The following PLIN4 variants were observed in gnomAD, a reference collection of about 807,000 sequenced individuals.
The protein encoded by PLIN4 is perilipin-4.
A neutral mutation model predicts 52.4 loss-of-function variants in PLIN4; 57 were observed. The observed-to-expected ratio is 1.09, with a 90% CI of 0.88 to 1.36. The LOEUF (loss-of-function observed/expected upper bound fraction) is 1.36. Ranked by LOEUF, PLIN4 falls within the 40% of genes most tolerant of loss-of-function variation. PLIN4 has a pLI of 0.00. For synonymous variants in PLIN4, 826 were observed against 785.4 expected, an observed-to-expected ratio of 1.05 and a Z score of -0.86; for missense variants, 1,757 against 1,770.3, an observed-to-expected ratio of 0.99 and a Z score of 0.13.
At chr19:4,509,272 C>T (rs1430804503) in intron 5 of PLIN4, among the ~76,000 whole-genome samples, 1 of 95,894 alleles carries the variant, frequency 1.0e-5, no homozygotes, top group East Asian at 3.1e-4. Context: ...GATGGAGCCA[C>T]TGCACTCCAG....
chr19:4,511,031 C>T lies in PLIN4; in HGVS notation c.2929G>A (p.Gly977Arg). 2 of 1,613,440 alleles carry T rather than the reference C, an allele frequency of 1.2e-6. No individual in the cohort carries two copies. The highest frequency in any genetic ancestry group is 1.7e-6 in the Non-Finnish European group (2 of 1,179,870). Residue 977 changes from glycine (G) to arginine (R), a missense_variant, in exon 5 of 8, where the codon GGA (glycine) becomes AGA (arginine). By Grantham distance (125) the Gly-to-Arg change is moderately radical. This residue lies in a region of PLIN4 where 712 missense variants were observed against 637.1 expected (regional missense o/e 1.12). Transcript: ENST00000301286. ...GVTGAVNVAK[G>R]TVQTGVDASK... Reference sequence around the variant, plus strand: ...GCGTCCACGCCGGTCTGCACGGTTCCTTTGGCCACATTCACTGCCCCCGTG... The same window carrying T: ...GCGTCCACGCCGGTCTGCACGGTTCTTTTGGCCACATTCACTGCCCCCGTG...
At position 4,516,671 on chromosome 19, in the gene PLIN4, G is replaced by A; in HGVS notation, c.204C>T (p.Ala68=). 1.3e-6 allele frequency: 2 copies of A among 1,596,108 alleles called. No homozygotes were observed. Among genetic ancestry groups the A allele is most frequent in the Non-Finnish European group, 1.7e-6 (2 of 1,171,988 alleles). Residue 68 remains alanine (A), a synonymous_variant, in exon 4 of 8, where the codon GCC becomes GCT. Transcript: ENST00000301286. ...EAAQPQAQVA[A]HPEQTAPWTE... is the part of the protein sequence containing the mutation. ...TCCATGGGGCCGTCTGCTCTGGGTG[G>A]GCAGCCACTGTGGGGACAGGGGCCG...
intron 3 of PLIN4, 148 bp downstream of exon 3, chr19:4,517,406 C>T: frequency 8.9e-7 from 1 of 1,120,598 alleles, no homozygotes; most frequent in East Asian, 2.8e-5. Flanking sequence ...GTTTCCCCAT[C>T]CACCACAAGA....
At chr19:4,506,800 CCCATTCCTTCATT>C (rs1976108459) in intron 6 of PLIN4, among the ~76,000 whole-genome samples, 1 of 152,268 alleles carries the variant, frequency 6.6e-6, no homozygotes, top group African/African-American at 2.4e-5. Flanking sequence ...CGAGGGTGGG[CCCATTCCTTCATT>C]CCTCCATGGC....
chr19:4,517,675 G>A lies in PLIN4; in HGVS notation c.75C>T (p.Ser25=), dbSNP rs2145309220. 3 of 1,599,396 alleles carry A rather than the reference G, an allele frequency of 1.9e-6. No homozygotes were observed. The highest frequency in any genetic ancestry group is 2.6e-6 in the Non-Finnish European group (3 of 1,173,698). The change falls in exon 3 of 8, where the codon TCC becomes TCT. Residue 25 remains serine, a synonymous_variant. Coordinates refer to ENST00000301286, the MANE Select transcript of PLIN4 (RefSeq NM_001367868.2). ...TCCGGGCAGAGCTGAAGCCAGGCAG[G>A]GACCCAAAGAAGCTGCCCAGGGTCT... The part of the protein sequence containing the change: ...KGKTLGSFFG[S]LPGFSSARNL...
At position 4,512,392 on chromosome 19, in the gene PLIN4, G is replaced by A; in HGVS notation, c.1568C>T (p.Thr523Ile). 1 of 1,609,084 alleles carries A rather than the reference G, an allele frequency of 6.2e-7. No homozygotes were observed. Among genetic ancestry groups the A allele is most frequent in the South Asian group, 1.1e-5 (1 of 90,774 alleles). The change falls in exon 5 of 8, where the codon ACC (threonine) becomes ATC (isoleucine). Residue 523 changes from threonine (T) to isoleucine (I), a missense_variant. Transcript: ENST00000301286. ...GGTGCCGGTTAGGACAGTCTTGGTG[G>A]TGTCTACGCCGGTCTGGACGGTCCC... The part of the protein sequence containing the change: ...AKGTVQTGVD[T>I]TKTVLTGTKD...
chr19:4,504,661 G>T lies in PLIN4; in HGVS notation c.3914C>A (p.Ala1305Glu). Residue 1305 changes from alanine to glutamate, a missense_variant, in exon 8 of 8, where the codon GCG (alanine) becomes GAG (glutamate). Physicochemically the swap from Ala to Glu is moderately radical, Grantham distance 107. Around this residue, in one of 7 missense-constraint regions of PLIN4, gnomAD observed 712 missense variants for 637.1 expected, o/e 1.12. Coordinates refer to ENST00000301286, the MANE Select transcript of PLIN4 (RefSeq NM_001367868.2). ...ATAGAGCTCACAGAGGCTGTGCCGC[G>T]CCCGCCCCACTGGCTGCTGGAGCTC... ...PAELQQPVGRARHSLCELYGI... is the reference protein window; with the variant it reads ...PAELQQPVGRERHSLCELYGI... 1 of 1,602,740 alleles carries T rather than the reference G, an allele frequency of 6.2e-7. No homozygotes were observed.
chr19:4,509,076 G>A (rs529732336), intron 5 of PLIN4, 121 bp from the exon 6 acceptor site: 14 of 877,888 alleles, frequency 1.6e-5, no homozygotes, highest in South Asian at 1.3e-4. Context: ...CTGGGAGGCC[G>A]AGGCGGGCAG....
chr19:4,514,371 C>T (rs1490403441), intron 4 of PLIN4, among the ~76,000 whole-genome samples: 1 of 152,042 alleles, frequency 6.6e-6, no homozygotes, highest in Non-Finnish European at 1.5e-5. Context: ...TTGCTTGAGC[C>T]CAGGAGGTTG....
Position 4,513,417 on chromosome 19 carries a change from A to G in PLIN4, c.543T>C (p.Asn181=), listed in dbSNP as rs1156785993. Residue 181 remains asparagine (N), a synonymous_variant, in exon 5 of 8, where the codon AAT becomes AAC. Coordinates refer to ENST00000301286, the MANE Select transcript of PLIN4 (RefSeq NM_001367868.2). The part of the protein sequence containing the change: ...TVSTGLTGAV[N]VAKGTVQAGV... ...CGGCCTGTACGGTCCCTTTGGCCAC[A>G]TTCACTGCCCCCGTGAGCCCAGTGG... 4 of 1,613,414 alleles carry G rather than the reference A, an allele frequency of 2.5e-6. No individual in the cohort carries two copies. The Admixed American group carries it at 5.0e-5, about 20-fold the overall frequency.
At position 4,504,468 on chromosome 19, in the gene PLIN4, G is replaced by A. The variant is rs182777366; in HGVS notation, c.4107C>T (p.Gly1369=). 1.6e-3 allele frequency: 2,540 copies of A among 1,574,418 alleles called. 5 individuals are homozygous for A. The highest frequency in any genetic ancestry group is 2.0e-3 in the Non-Finnish European group (2,280 of 1,157,732). ...CTGCAGGCTCCTACAGCTACTGCCC[G>A]CCAGCGGGCAAGGCGAAGGGCCCTA... ...WLVGPFALPA[G]GQ Residue 1369 remains glycine, a synonymous_variant, in exon 8 of 8, where the codon GGC becomes GGT. Transcript: ENST00000301286.
Position 4,511,039 on chromosome 19 carries a change from A to G in PLIN4, c.2921T>C (p.Val974Ala). 4 of 1,613,436 alleles carry G rather than the reference A, an allele frequency of 2.5e-6. No homozygotes were observed. Among genetic ancestry groups the G allele is most frequent in the South Asian group, 2.2e-5 (2 of 91,082 alleles). The change falls in exon 5 of 8, where the codon GTG becomes GCG. Residue 974 changes from valine to alanine, a missense_variant. Physicochemically the swap from Val to Ala is moderately conservative, Grantham distance 64. Transcript: ENST00000301286. ...VTTGVTGAVN[V>A]AKGTVQTGVD... ...GCCGGTCTGCACGGTTCCTTTGGCC[A>G]CATTCACTGCCCCCGTGACTCCAGT...
Position 4,513,641 on chromosome 19 carries a change from A to C in PLIN4, c.319T>G (p.Ser107Ala), listed in dbSNP as rs201252252. 3.7e-6 allele frequency: 6 copies of C among 1,608,380 alleles called. No homozygotes were observed. The highest frequency in any genetic ancestry group is 5.1e-6 in the Non-Finnish European group (6 of 1,177,524). ...TCCACCACGCTGGCCACCCCGGAGGACACGGCATCCTTGGCCCTGGACATC... is the reference window on the plus strand; with the variant it reads ...TCCACCACGCTGGCCACCCCGGAGGCCACGGCATCCTTGGCCCTGGACATC... ...SKMSRAKDAV[S>A]SGVASVVDVA... Residue 107 changes from serine (S) to alanine (A), a missense_variant, in exon 5 of 8, where the codon TCC (serine) becomes GCC (alanine). Coordinates refer to ENST00000301286, the MANE Select transcript of PLIN4 (RefSeq NM_001367868.2).
chr19:4,510,297 C>T lies in PLIN4; in HGVS notation c.3514+149G>A, dbSNP rs553613914. Reference sequence around the variant, plus strand: ...AGGAGGATGGCGTGAACCCGGGAGGCGGAGCTTGCAGTGAACCGAGATCAC... The same window carrying T: ...AGGAGGATGGCGTGAACCCGGGAGGTGGAGCTTGCAGTGAACCGAGATCAC... On this transcript the variant is annotated intron_variant, in intron 5 of 7. Coordinates refer to ENST00000301286, the MANE Select transcript of PLIN4 (RefSeq NM_001367868.2). 3.8e-5 allele frequency: 35 copies of T among 926,386 alleles called. No homozygotes were observed. In the South Asian group the frequency reaches 6.7e-4, roughly 18 times the overall value. The allele number at this position is 926,386 out of a possible 1,614,324, so 57.4% of individuals were successfully genotyped here. A position where few individuals can be genotyped will look rare whatever the true frequency, so the allele number is the denominator to read the frequency against.
Position 4,511,901 on chromosome 19 carries a change from C to T in PLIN4, c.2059G>A (p.Asp687Asn), listed in dbSNP as rs199927982. 2,741 of 1,606,758 alleles carry T rather than the reference C, an allele frequency of 1.7e-3. 4 individuals carry two copies. In the African/African-American group the frequency reaches 0.033, roughly 19 times the overall value. ...VAKGAAQTGV[D>N]TAKTVLTGTK... ...CCGGTCAGCACGGTCTTGGCCGTGT[C>T]TACACCTGTCTGGGCAGCCCCTTTG... Residue 687 changes from aspartate (D) to asparagine (N), a missense_variant, in exon 5 of 8, where the codon GAC becomes AAC. Around this residue, in one of 7 missense-constraint regions of PLIN4, gnomAD observed 439 missense variants for 406.4 expected, o/e 1.08. Coordinates refer to ENST00000301286, the MANE Select transcript of PLIN4 (RefSeq NM_001367868.2).
At chr19:4,514,859 G>C (rs1976544122) in intron 4 of PLIN4, among the ~76,000 whole-genome samples, 1 of 150,996 alleles carries the variant, frequency 6.6e-6, no homozygotes, top group Admixed American at 6.6e-5. Flanking sequence ...AGCAGCCTGG[G>C]CAACGGTGAG....
intron 4 of PLIN4, among the ~76,000 whole-genome samples, chr19:4,516,042 A>T (rs977145345): frequency 1.3e-5 from 2 of 152,060 alleles, no homozygotes; most frequent in Non-Finnish European, 2.9e-5. Flanking sequence ...TGGGAGGCTG[A>T]GGTGGGTGGA....
At chr19:4,513,764 C>T (rs1245531582) in intron 4 of PLIN4, 63 bp from the exon 5 acceptor site, 6 of 1,499,158 alleles carry the variant, frequency 4.0e-6, no homozygotes, top group Non-Finnish European at 4.4e-6. Flanking sequence ...ACCCCGATGT[C>T]TGCCAGCCCA....
rs567561817 is a variant in PLIN4, at chr19:4,504,169, A to G, written c.*290T>C. Reference sequence around the variant, plus strand: ...TCCTAATTGCAGTGCTTGCTTGGGGACTTCAAGGGAAGGCTCTTGGCTGGT... The same window carrying G: ...TCCTAATTGCAGTGCTTGCTTGGGGGCTTCAAGGGAAGGCTCTTGGCTGGT... On this transcript the variant is annotated 3_prime_UTR_variant, in exon 8 of 8. Transcript: ENST00000301286. The G allele has an allele frequency of 1.1e-5, 4 of 369,288 alleles. No homozygotes were observed. The East Asian group carries it at 1.7e-4, about 15-fold the overall frequency. 22.9% of individuals were successfully genotyped at this position (369,288 alleles called of 1,614,324 possible).
Sources: allele counts gnomAD v4.1 joint callset (sites outside exome capture counted in the v4.1 genomes callset), GRCh38; gene constraint gnomAD v4.1.1; regional missense constraint gnomAD v4.1.1; transcripts MANE v1.5; gene names NCBI Gene and HGNC (gene_info 2026-07-23, HGNC 2026-07-21).